Variants in PIEZO1 observed in about 807,000 individuals in gnomAD.
PIEZO1 encodes piezo-type mechanosensitive ion channel component 1.
Under a neutral mutation model 297.2 loss-of-function variants are expected in PIEZO1, and 296 were observed. The ratio of observed to expected loss-of-function variants is 1.00; its 90% CI spans 0.91 to 1.10. PIEZO1 has a LOEUF of 1.10. Ranked by LOEUF, PIEZO1 falls within the 50% of genes least tolerant of loss-of-function variation. The probability of loss-of-function intolerance (pLI) is 0.00; values close to 1 mark genes in which losing one functional copy is unlikely to be tolerated. For synonymous variants in PIEZO1, 2,427 were observed against 1,507.5 expected, an observed-to-expected ratio of 1.61 and a Z score of -14.13; for missense variants, 5,018 against 3,455.5, an observed-to-expected ratio of 1.45 and a Z score of -11.34.
chr16:88,735,518 C>G (rs1381674267), intron 12 of PIEZO1, among the ~76,000 whole-genome samples: 1 of 152,286 alleles, frequency 6.6e-6, no homozygotes, highest in Non-Finnish European at 1.5e-5. Context: ...TTCACGTGGG[C>G]ACAGATCCAT....
At chr16:88,718,906 A>T (rs1912234714) in intron 44 of PIEZO1, 1 of 154,308 alleles carries the variant, frequency 6.5e-6, no homozygotes. Flanking sequence ...AGTCTCACTC[A>T]CTATGTTGCC....
chr16:88,738,122 C>T lies in PIEZO1; in HGVS notation c.849-17G>A, dbSNP rs547893140. On this transcript the variant is annotated splice_polypyrimidine_tract_variant and intron_variant, in intron 7 of 50. Transcript: ENST00000301015. ...CCCAGCACCCTGTCCAGAGAAGACC[C>T]GTCACAGCCTACCACCCCAGAGGCA... 16 of 1,535,812 alleles carry T rather than the reference C, an allele frequency of 1.0e-5. No homozygotes were observed. In the East Asian group the frequency reaches 2.4e-4, roughly 23 times the overall value.
Position 88,723,901 on chromosome 16 carries a change from G to T in PIEZO1, c.4305C>A (p.Asp1435Glu). 1 of 1,548,662 alleles carries T rather than the reference G, an allele frequency of 6.5e-7. No homozygotes were observed. Among genetic ancestry groups the T allele is most frequent in the Non-Finnish European group, 8.7e-7 (1 of 1,145,278 alleles). ...SEEEEEAVPEDPRPSAQSAFQ... is the reference protein window; with the variant it reads ...SEEEEEAVPEEPRPSAQSAFQ... ...AGGCACTCTGTGCCGACGGCCTCGG[G>T]TCTTCAGGAACAGCCTCCTCCTCTT... Residue 1435 changes from aspartate to glutamate, a missense_variant, in exon 31 of 51, where the codon GAC (aspartate) becomes GAA (glutamate). Asp to Glu is a conservative substitution (Grantham distance 45). Transcript: ENST00000301015.
chr16:88,717,341 T>G, intron 44 of PIEZO1, 130 bp from the exon 45 acceptor site: 1 of 741,024 alleles, frequency 1.3e-6, no homozygotes, highest in Non-Finnish European at 2.3e-6. Flanking sequence ...GCGGTAGTAA[T>G]GGTGGGCAGA....
At chr16:88,748,520 C>G (rs1407539533) in intron 2 of PIEZO1, among the ~76,000 whole-genome samples, 1 of 147,882 alleles carries the variant, frequency 6.8e-6, no homozygotes, top group East Asian at 2.0e-4. Context: ...GGATCAAAGT[C>G]AACTGAGGTC....
chr16:88,738,422 G>A lies in PIEZO1; in HGVS notation c.653C>T (p.Ala218Val), dbSNP rs1282048623. 6.5e-7 allele frequency: 1 copy of A among 1,535,814 alleles called. No individual in the cohort carries two copies. The highest frequency in any genetic ancestry group is 8.7e-7 in the Non-Finnish European group (1 of 1,146,818). The change falls in exon 7 of 51, where the codon GCC becomes GTC. Residue 218 changes from alanine to valine, a missense_variant. Physicochemically the swap from Ala to Val is moderately conservative, Grantham distance 64. Transcript: ENST00000301015. Reference protein sequence around the residue: ...LALAGIAHPSALSSVYLLLFL... With the variant: ...LALAGIAHPSVLSSVYLLLFL... Reference sequence around the variant, plus strand: ...GAGCAGCAGGTAGACACTGGAGAGGGCCGAGGGGTGGGCGATGCCTGCGGG... The same window carrying A: ...GAGCAGCAGGTAGACACTGGAGAGGACCGAGGGGTGGGCGATGCCTGCGGG...
intron 1 of PIEZO1, among the ~76,000 whole-genome samples, chr16:88,755,691 C>T (rs1050742006): frequency 3.9e-5 from 6 of 152,244 alleles, no homozygotes; most frequent in South Asian, 2.1e-4. Context: ...TTTCACCGAA[C>T]GGTGGCGCCT....
intron 2 of PIEZO1, among the ~76,000 whole-genome samples, 190 bp downstream of exon 2, chr16:88,749,194 C>A (rs189318261): frequency 6.7e-6 from 1 of 149,142 alleles, no homozygotes; most frequent in Non-Finnish European, 1.5e-5. Flanking sequence ...GAGCAGAGAT[C>A]GCGCCACTGC....
At chr16:88,751,051 C>T (rs747484075) in intron 1 of PIEZO1, among the ~76,000 whole-genome samples, 4 of 152,134 alleles carry the variant, frequency 2.6e-5, no homozygotes, top group Non-Finnish European at 5.9e-5. Context: ...GGAGGCCATG[C>T]GTGCCACCAT....
At chr16:88,731,999 G>A (rs1904877804) in intron 21 of PIEZO1, 89 bp from the exon 22 acceptor site, 7 of 211,960 alleles carry the variant, frequency 3.3e-5, no homozygotes, top group South Asian at 3.2e-4. Flanking sequence ...CAGGCTTGCA[G>A]CAGCCCTGCC....
intron 1 of PIEZO1, among the ~76,000 whole-genome samples, chr16:88,753,076 C>G (rs1197148126): frequency 5.9e-5 from 2 of 33,756 alleles, no homozygotes; most frequent in Non-Finnish European, 1.7e-4. Flanking sequence ...GCCCAAAGCC[C>G]ACCCACCGCC....
rs376916937 is a variant in PIEZO1, at chr16:88,720,493, G to C, written c.5841C>G (p.His1947Gln). Reference sequence around the variant, plus strand: ...CGCGGTACTTGGTGTGCAGGATGTCGTGGAAGAAGCGCCGTAGCGGCCGAT... The same window carrying C: ...CGCGGTACTTGGTGTGCAGGATGTCCTGGAAGAAGCGCCGTAGCGGCCGAT... ...GTYRPLRRFF[H>Q]DILHTKYRAA... Residue 1947 changes from histidine to glutamine, a missense_variant, in exon 41 of 51, where the codon CAC (histidine) becomes CAG (glutamine). His to Gln is a conservative substitution (Grantham distance 24). Coordinates refer to ENST00000301015, the MANE Select transcript of PIEZO1 (RefSeq NM_001142864.4). 5.8e-6 allele frequency: 9 copies of C among 1,550,246 alleles called. No homozygotes were observed. In the Admixed American group the frequency reaches 5.9e-5, roughly 10 times the overall value.
At chr16:88,741,750 G>GTCCCCCTCTGTCCCTCC in intron 4 of PIEZO1, 134 bp from the exon 5 acceptor site, 1 of 274,566 alleles carries the variant, frequency 3.6e-6, no homozygotes, top group South Asian at 4.5e-5. Context: ...GGGTCTCCAG[G>GTCCCCCTCTGTCCCTCC]TGCGGGTGGG....
At chr16:88,737,145 C>T (rs1597460725) in intron 10 of PIEZO1, 2 of 246,396 alleles carry the variant, frequency 8.1e-6, no homozygotes, top group East Asian at 2.2e-4. Context: ...CCTCCCAAGG[C>T]GACGTGGCCA....
chr16:88,742,715 T>G (rs1186615480), intron 2 of PIEZO1: 1 of 425,866 alleles, frequency 2.3e-6, no homozygotes, highest in Non-Finnish European at 4.3e-6. Context: ...ACCTGGGGTG[T>G]GCTCCCTCAT....
chr16:88,742,118 C>A (rs1342187623), intron 3 of PIEZO1, 23 bp from the exon 4 acceptor site: 5 of 1,535,506 alleles, frequency 3.3e-6, no homozygotes, highest in African/African-American at 2.7e-5. Context: ...ACGGGGGAAC[C>A]CAGGTCAGGC....
rs2879903 is a variant in PIEZO1, at chr16:88,720,728, C to T, written c.5689G>A (p.Glu1897Lys). Residue 1897 changes from glutamate to lysine, a missense_variant, in exon 40 of 51, where the codon GAA (glutamate) becomes AAA (lysine). Coordinates refer to ENST00000301015, the MANE Select transcript of PIEZO1 (RefSeq NM_001142864.4). ...GCCTCTTTCTCTTCCTCCCCCTCTT[C>T]TTCCTCCCTGTCCTCAGCTTCTGTA... ...AAIEAEDREE[E>K]EGEEEKEAPT... is the part of the protein sequence containing the mutation. The T allele has an allele frequency of 6.6e-6, 10 of 1,521,982 alleles. No individual in the cohort carries two copies. Among genetic ancestry groups the T allele is most frequent in the East Asian group, 2.5e-5 (1 of 40,702 alleles). The allele number at this position is 1,521,982 out of a possible 1,614,324, so 94.3% of individuals were successfully genotyped here.
Position 88,717,546 on chromosome 16 carries a change from G to C in PIEZO1, c.6472-335C>G, listed in dbSNP as rs118132092. On this transcript the variant is annotated intron_variant, in intron 44 of 50. Transcript: ENST00000301015. The stretch of plus-strand genomic sequence containing the variant: ...ATGTGCCAAAATTTACCTCAAAGTG[G>C]ATCAAAGAGCGAAACTTCAGAGCTA... 5.9e-6 allele frequency: 3 copies of C among 507,194 alleles called. No individual in the cohort carries two copies. In the Admixed American group the frequency reaches 6.8e-5, roughly 12 times the overall value. The allele number at this position is 507,194 out of a possible 1,614,324, so 31.4% of individuals were successfully genotyped here. A position where few individuals can be genotyped will look rare whatever the true frequency, so the allele number is the denominator to read the frequency against.
intron 5 of PIEZO1, chr16:88,740,257 A>G (rs1446364043): frequency 6.6e-6 from 1 of 152,256 alleles, no homozygotes; most frequent in Non-Finnish European, 1.5e-5. Context: ...TCGGAACGGT[A>G]TCCTGCAGGT....
Sources: allele counts gnomAD v4.1 joint callset (sites outside exome capture counted in the v4.1 genomes callset), GRCh38; gene constraint gnomAD v4.1.1; transcripts MANE v1.5; gene names NCBI Gene and HGNC (gene_info 2026-07-23, HGNC 2026-07-21).